MEIS1: variants seen among roughly 807,000 people sequenced by gnomAD.
The protein encoded by MEIS1 is homeobox protein Meis1.
A neutral mutation model predicts 50.8 loss-of-function variants in MEIS1; 5 were observed. The observed-to-expected ratio is 0.10, with a 90% CI of 0.05 to 0.21. MEIS1 has a LOEUF of 0.21. MEIS1 is among the 10% of genes least tolerant of loss of function. The probability of loss-of-function intolerance (pLI) is 1.00; values close to 1 mark genes in which losing one functional copy is unlikely to be tolerated. For synonymous variants in MEIS1, 176 were observed against 179.3 expected (o/e 0.98, Z 0.15); for missense variants, 318 against 517.3 (o/e 0.61, Z 3.74).
intron 8 of MEIS1, among the ~76,000 whole-genome samples, chr2:66,546,473 C>A (rs1558559060): frequency 6.6e-6 from 1 of 152,152 alleles, no homozygotes; most frequent in South Asian, 2.1e-4. Flanking sequence ...CTGCTACATC[C>A]TTTGGTCATG....
intron 9 of MEIS1, among the ~76,000 whole-genome samples, chr2:66,552,374 A>C (rs1243508412): frequency 1.3e-5 from 2 of 152,188 alleles, no homozygotes; most frequent in East Asian, 1.9e-4. Context: ...TTATGCTCTG[A>C]GAAGGCAATA....
chr2:66,450,304 T>A (rs753036880), intron 6 of MEIS1, among the ~76,000 whole-genome samples: 9 of 152,140 alleles, frequency 5.9e-5, no homozygotes, highest in Non-Finnish European at 7.4e-5. Context: ...GAGTGTGTAA[T>A]GTTATGCTTC....
At chr2:66,556,934 A>C (rs962148547) in intron 9 of MEIS1, among the ~76,000 whole-genome samples, 6 of 150,690 alleles carry the variant, frequency 4.0e-5, no homozygotes, top group Non-Finnish European at 1.5e-5. Context: ...GGGGGCGCAG[A>C]GAGGGGGTAG....
chr2:66,468,475 G>T (rs960915728), intron 7 of MEIS1, among the ~76,000 whole-genome samples: 2 of 152,150 alleles, frequency 1.3e-5, no homozygotes, highest in Admixed American at 1.3e-4. Context: ...AACATGAAGG[G>T]CTGTCAGTCA....
At chr2:66,568,940 C>G in intron 11 of MEIS1, 110 bp from the exon 12 acceptor site, 1 of 1,137,394 alleles carries the variant, frequency 8.8e-7, no homozygotes, top group Non-Finnish European at 1.3e-6. Flanking sequence ...CTGAAGATCT[C>G]ACTATTTCTC....
At chr2:66,544,864 C>T (rs1384697304) in intron 8 of MEIS1, among the ~76,000 whole-genome samples, 1 of 152,060 alleles carries the variant, frequency 6.6e-6, no homozygotes, top group African/African-American at 2.4e-5. Flanking sequence ...TGTGAAGAAA[C>T]AACTGAAATT....
chr2:66,570,526 C>T (rs1319649196), intron 12 of MEIS1: 2 of 152,204 alleles, frequency 1.3e-5, no homozygotes, highest in African/African-American at 4.8e-5. Flanking sequence ...TGCACTATTA[C>T]TTAGAACTAA....
At chr2:66,496,497 A>G (rs899803132) in intron 7 of MEIS1, among the ~76,000 whole-genome samples, 2 of 152,100 alleles carry the variant, frequency 1.3e-5, no homozygotes, top group Admixed American at 6.5e-5. Context: ...GGAGAGGGCA[A>G]TTGCCTCATA....
intron 7 of MEIS1, among the ~76,000 whole-genome samples, chr2:66,499,437 A>G (rs957849097): frequency 1.3e-5 from 2 of 151,854 alleles, no homozygotes; most frequent in African/African-American, 4.8e-5. Flanking sequence ...GGACTCTCTC[A>G]TCCCTCATTC....
intron 7 of MEIS1, among the ~76,000 whole-genome samples, chr2:66,508,684 A>T (rs1673746070): frequency 6.6e-6 from 1 of 152,182 alleles, no homozygotes; most frequent in African/African-American, 2.4e-5. Context: ...ATAATATGAC[A>T]TTTTCAGTTT....
chr2:66,483,978 G>A (rs1673079338), intron 7 of MEIS1, among the ~76,000 whole-genome samples: 1 of 152,130 alleles, frequency 6.6e-6, no homozygotes, highest in Non-Finnish European at 1.5e-5. Flanking sequence ...TCTGGCCTTT[G>A]AATTTCAGTA....
intron 7 of MEIS1, among the ~76,000 whole-genome samples, chr2:66,495,205 T>G (rs774979551): frequency 1.3e-5 from 2 of 151,756 alleles, no homozygotes; most frequent in Non-Finnish European, 2.9e-5. Flanking sequence ...CTAGTCACAT[T>G]TCATACTTTT....
At chr2:66,506,128 T>C (rs1201742851) in intron 7 of MEIS1, among the ~76,000 whole-genome samples, 4 of 152,330 alleles carry the variant, frequency 2.6e-5, no homozygotes, top group African/African-American at 9.6e-5. Flanking sequence ...ACTTGGTTCC[T>C]GCCTTCTCAG....
chr2:66,505,440 G>C (rs542376437), intron 7 of MEIS1, among the ~76,000 whole-genome samples: 1 of 152,182 alleles, frequency 6.6e-6, no homozygotes, highest in Admixed American at 6.5e-5. Flanking sequence ...TTAAGGGGCT[G>C]TATTATGTCT....
chr2:66,553,277 A>G (rs1674967384), intron 9 of MEIS1, among the ~76,000 whole-genome samples: 1 of 152,196 alleles, frequency 6.6e-6, no homozygotes, highest in Non-Finnish European at 1.5e-5. Flanking sequence ...CAATGGAGTA[A>G]CAGGTGCGGT....
chr2:66,554,807 AAATT>A (rs2103946202), intron 9 of MEIS1, among the ~76,000 whole-genome samples: 1 of 152,336 alleles, frequency 6.6e-6, no homozygotes, highest in South Asian at 2.1e-4. Flanking sequence ...ACAAACAGAG[AAATT>A]AATTAAAAAG....
Position 66,435,886 on chromosome 2 carries a change from A to C in MEIS1, c.12+18A>C. The C allele has an allele frequency of 6.4e-7, 1 of 1,554,920 alleles. No homozygotes were observed. Among genetic ancestry groups the C allele is most frequent in the Non-Finnish European group, 8.6e-7 (1 of 1,157,918 alleles). ...CGCAAAGGGTACGTATTAAAAAACA[A>C]TTGTGGAACTCAAATGTGAGATTAA... is the stretch of plus-strand genomic sequence containing the variant. On this transcript the variant is annotated intron_variant, in intron 1 of 12. Transcript: ENST00000272369.
At chr2:66,472,164 G>A (rs1220106765) in intron 7 of MEIS1, among the ~76,000 whole-genome samples, 1 of 152,172 alleles carries the variant, frequency 6.6e-6, no homozygotes, top group African/African-American at 2.4e-5. Flanking sequence ...GCCTGGCACA[G>A]CTCAAACATG....
intron 11 of MEIS1, 78 bp downstream of exon 11, chr2:66,568,834 C>T: frequency 6.7e-6 from 9 of 1,334,286 alleles, no homozygotes; most frequent in African/African-American, 1.4e-5. Flanking sequence ...GGTAAATCCG[C>T]CTCATCCTTT....
Sources: allele counts gnomAD v4.1 joint callset (sites outside exome capture counted in the v4.1 genomes callset), GRCh38; gene constraint gnomAD v4.1.1; transcripts MANE v1.5; gene names NCBI Gene and HGNC (gene_info 2026-07-23, HGNC 2026-07-21).